The following CACNB4 variants were observed in gnomAD, a reference collection of about 807,000 sequenced individuals.
The protein encoded by CACNB4 is voltage-dependent L-type calcium channel subunit beta-4.
A neutral mutation model predicts 71.2 loss-of-function variants in CACNB4; 32 were observed. The ratio of observed to expected loss-of-function variants is 0.45; its 90% CI spans 0.34 to 0.60. CACNB4 has a LOEUF of 0.60. Among genes scored for constraint, CACNB4 ranks in the 20% least tolerant of loss-of-function variants. The pLI is 0.01. For synonymous variants in CACNB4, 231 were observed against 236.9 expected (o/e 0.97, Z 0.23); for missense variants, 464 against 647.9 (o/e 0.72, Z 3.08).
chr2:151,906,851 A>C (rs1315593128), intron 2 of CACNB4, among the ~76,000 whole-genome samples: 1 of 152,162 alleles, frequency 6.6e-6, no homozygotes, highest in South Asian at 2.1e-4. Context: ...TCTTTGGTAC[A>C]TTCATCCTAA....
chr2:152,045,865 A>C (rs1303381034), intron 2 of CACNB4, among the ~76,000 whole-genome samples: 1 of 152,208 alleles, frequency 6.6e-6, no homozygotes, highest in Non-Finnish European at 1.5e-5. Context: ...GGAAAAAAAC[A>C]CAAGTAATGA....
At chr2:152,045,467 G>T (rs1439840444) in intron 2 of CACNB4, among the ~76,000 whole-genome samples, 1 of 152,182 alleles carries the variant, frequency 6.6e-6, no homozygotes, top group Non-Finnish European at 1.5e-5. Flanking sequence ...GCTACCTACA[G>T]TAGTCAAATT....
chr2:151,869,028 G>T, intron 9 of CACNB4, 149 bp downstream of exon 9: 1 of 575,108 alleles, frequency 1.7e-6, no homozygotes, highest in Non-Finnish European at 3.1e-6. Context: ...TATTTTCAGA[G>T]TTCTTTTATT....
chr2:151,847,853 T>C (rs1045758055), intron 12 of CACNB4, among the ~76,000 whole-genome samples: 3 of 152,188 alleles, frequency 2.0e-5, no homozygotes, highest in African/African-American at 7.2e-5. Flanking sequence ...GCCACTGCAC[T>C]CCAACCGGGG....
intron 2 of CACNB4, among the ~76,000 whole-genome samples, chr2:152,012,319 A>C (rs1301800595): frequency 6.6e-6 from 1 of 152,090 alleles, no homozygotes; most frequent in Non-Finnish European, 1.5e-5. Context: ...GTTAGTTTTT[A>C]ATTAAAAGGC....
intron 2 of CACNB4, among the ~76,000 whole-genome samples, chr2:152,095,805 C>T (rs1688232835): frequency 6.6e-6 from 1 of 152,088 alleles, no homozygotes; most frequent in South Asian, 2.1e-4. Flanking sequence ...GCACACACCA[C>T]CACGCTTGGC....
At chr2:151,878,103 A>G (rs1182737322) in intron 4 of CACNB4, among the ~76,000 whole-genome samples, 6 of 152,124 alleles carry the variant, frequency 3.9e-5, no homozygotes, top group African/African-American at 1.4e-4. Flanking sequence ...CCCAAAATAT[A>G]TATATTTATA....
At chr2:151,902,417 C>G (rs139605379) in intron 2 of CACNB4, among the ~76,000 whole-genome samples, 1 of 152,272 alleles carries the variant, frequency 6.6e-6, no homozygotes, top group East Asian at 1.9e-4. Flanking sequence ...ACTTTATTAA[C>G]CCACTGGCAA....
intron 2 of CACNB4, among the ~76,000 whole-genome samples, chr2:152,014,670 G>A (rs1243651739): frequency 1.3e-5 from 2 of 151,450 alleles, no homozygotes; most frequent in African/African-American, 4.9e-5. Context: ...AGTGGAGGTT[G>A]CAGTGAGCTG....
intron 2 of CACNB4, among the ~76,000 whole-genome samples, chr2:151,938,801 C>T (rs1288653394): frequency 6.6e-6 from 1 of 152,186 alleles, no homozygotes; most frequent in Non-Finnish European, 1.5e-5. Flanking sequence ...GGGATGGTAA[C>T]ATAGTTGCAA....
At chr2:151,990,753 G>A (rs1031487725) in intron 2 of CACNB4, among the ~76,000 whole-genome samples, 5 of 152,160 alleles carry the variant, frequency 3.3e-5, no homozygotes, top group African/African-American at 1.2e-4. Flanking sequence ...GAGCAAACAG[G>A]ACAAGGAAGC....
At chr2:151,858,758 A>G (rs2099840907) in intron 10 of CACNB4, 1 of 152,206 alleles carries the variant, frequency 6.6e-6, no homozygotes, top group Non-Finnish European at 1.5e-5. Context: ...CATGCTATAC[A>G]CAAATCTACT....
At chr2:151,973,911 C>CAT in intron 2 of CACNB4, 1 of 1,391,638 alleles carries the variant, frequency 7.2e-7, no homozygotes. Context: ...CCAGACCTGG[C>CAT]ATTTTATCTG....
intron 2 of CACNB4, among the ~76,000 whole-genome samples, chr2:151,946,945 T>C (rs889774685): frequency 2.0e-5 from 3 of 152,090 alleles, no homozygotes; most frequent in Non-Finnish European, 4.4e-5. Flanking sequence ...AAAATCTGAG[T>C]AAATTCTGGT....
At chr2:151,948,656 G>A (rs1041531179) in intron 2 of CACNB4, among the ~76,000 whole-genome samples, 6 of 141,464 alleles carry the variant, frequency 4.2e-5, no homozygotes, top group African/African-American at 1.7e-4. Flanking sequence ...GTGAGATCCT[G>A]TCAAAAAAAA....
At position 152,098,505 on chromosome 2, in the gene CACNB4, C is replaced by T. The variant is rs1285785070; in HGVS notation, c.64-92G>A. On this transcript the variant is annotated intron_variant, in intron 1 of 13. Transcript: ENST00000539935. This position sits in a 1 kb window ranked among gnomAD's most constrained non-coding sequence, Gnocchi z 5.3. Reference sequence around the variant, plus strand: ...CCCCGGCTGGAGTCCGCCTCCGGACCCGCTCCCTGGGGTCCCCTAGAGCCC... The same window carrying T: ...CCCCGGCTGGAGTCCGCCTCCGGACTCGCTCCCTGGGGTCCCCTAGAGCCC... The T allele has an allele frequency of 7.2e-7, 1 of 1,393,794 alleles. No individual in the cohort carries two copies. The highest frequency in any genetic ancestry group is 1.0e-6 in the Non-Finnish European group (1 of 982,220). 86.3% of individuals were successfully genotyped at this position (1,393,794 alleles called of 1,614,324 possible).
At chr2:152,021,565 T>C (rs1466851106) in intron 2 of CACNB4, among the ~76,000 whole-genome samples, 1 of 152,220 alleles carries the variant, frequency 6.6e-6, no homozygotes, top group African/African-American at 2.4e-5. Flanking sequence ...TATGAAAATA[T>C]TTTGCTTTTG....
chr2:151,883,761 C>T (rs986281720), intron 2 of CACNB4: 2 of 292,066 alleles, frequency 6.8e-6, no homozygotes, highest in African/African-American at 4.4e-5. Context: ...AAGATAAATC[C>T]TACCTGTATT....
intron 12 of CACNB4, among the ~76,000 whole-genome samples, chr2:151,846,528 CTT>C (rs1491464702): frequency 2.0e-5 from 3 of 151,748 alleles, no homozygotes; most frequent in African/African-American, 4.8e-5. Context: ...TTAATTTTAA[CTT>C]TTGTTTGTTT....
Sources: gnomAD v4.1 joint callset for allele counts (sites outside exome capture counted in the v4.1 genomes callset) on GRCh38, gnomAD v4.1.1 for gene constraint, Gnocchi (gnomAD v3.1) non-coding constraint, MANE v1.5 for transcripts, NCBI Gene and HGNC (gene_info 2026-07-23, HGNC 2026-07-21) for gene names.